The following ABCB4 variants were observed in gnomAD, a reference collection of about 807,000 sequenced individuals.
ABCB4 encodes phosphatidylcholine translocator ABCB4.
ABCB4 carries 76 observed loss-of-function variants against 145.7 expected under a neutral mutation model. That is an observed-to-expected ratio of 0.52 (90% CI 0.43 to 0.63). The LOEUF is 0.63. Among genes scored for constraint, ABCB4 ranks in the 30% least tolerant of loss-of-function variants. The pLI, the probability that ABCB4 is intolerant of heterozygous loss-of-function variation, is 0.00. For missense variants in ABCB4, 1,234 were observed against 1,553.1 expected, an observed-to-expected ratio of 0.79 and a Z score of 3.45; for synonymous variants, 517 against 566.8, an observed-to-expected ratio of 0.91 and a Z score of 1.25.
intron 13 of ABCB4, 149 bp from the exon 14 acceptor site, chr7:87,439,986 A>G (rs781144039): frequency 7.9e-7 from 1 of 1,267,590 alleles, no homozygotes; most frequent in Non-Finnish European, 1.1e-6. Flanking sequence ...ATTCTGAATT[A>G]TAAAAAACTG....
At chr7:87,422,313 G>T in intron 17 of ABCB4, 88 bp from the exon 18 acceptor site, 1 of 1,000,144 alleles carries the variant, frequency 1.0e-6, no homozygotes, top group African/African-American at 1.6e-5. Flanking sequence ...AGTGTCACAT[G>T]TTTAAAACTA....
chr7:87,446,359 A>G (rs574034785), intron 9 of ABCB4, among the ~76,000 whole-genome samples: 1 of 152,320 alleles, frequency 6.6e-6, no homozygotes, highest in South Asian at 2.1e-4. Flanking sequence ...TAGTTCATAA[A>G]TGTGGTTACA....
chr7:87,466,715 A>G (rs935193007), intron 3 of ABCB4, among the ~76,000 whole-genome samples: 1 of 152,238 alleles, frequency 6.6e-6, no homozygotes, highest in African/African-American at 2.4e-5. Flanking sequence ...CAGAAACTCT[A>G]CAAGCCAGAA....
At chr7:87,456,306 C>G (rs1812096543) in intron 4 of ABCB4, among the ~76,000 whole-genome samples, 1 of 152,136 alleles carries the variant, frequency 6.6e-6, no homozygotes, top group Non-Finnish European at 1.5e-5. Flanking sequence ...TATTTGTTCC[C>G]TCCAAATCTC....
intron 15 of ABCB4, among the ~76,000 whole-genome samples, chr7:87,429,275 G>A (rs1379536968): frequency 6.6e-6 from 1 of 152,184 alleles, no homozygotes; most frequent in East Asian, 1.9e-4. Flanking sequence ...TGCCAGAGCT[G>A]GTAGAAATAT....
chr7:87,397,052 GTTA>G (rs1807549168), downstream of ABCB4, among the ~76,000 whole-genome samples: 4 of 152,132 alleles, frequency 2.6e-5, no homozygotes, highest in South Asian at 8.3e-4. Context: ...GCCAACTCTA[GTTA>G]TTATAAAAAT....
chr7:87,423,416 T>C (rs371216159), intron 17 of ABCB4, among the ~76,000 whole-genome samples: 1 of 152,228 alleles, frequency 6.6e-6, no homozygotes, highest in African/African-American at 2.4e-5. Flanking sequence ...TAGTTACCTA[T>C]ATAATCTCTT....
chr7:87,380,856 CCA>C, the ABCB4 span, among the ~76,000 whole-genome samples: 12 of 152,270 alleles, frequency 7.9e-5, no homozygotes, highest in South Asian at 2.5e-3. Context: ...TTGTAAAGTA[CCA>C]CACAGTTGTG....
chr7:87,385,960 C>G, the ABCB4 span, among the ~76,000 whole-genome samples: 1 of 152,068 alleles, frequency 6.6e-6, no homozygotes, highest in Non-Finnish European at 1.5e-5. Context: ...GTCCTTTATT[C>G]TGTTGATGTG....
At chr7:87,437,295 G>A (rs1390012225) in intron 14 of ABCB4, among the ~76,000 whole-genome samples, 2 of 152,126 alleles carry the variant, frequency 1.3e-5, no homozygotes, top group South Asian at 2.1e-4. Flanking sequence ...CCTATTGTAT[G>A]AGTGTGAGAA....
At chr7:87,459,019 TAAGA>T (rs1270160442) in intron 4 of ABCB4, among the ~76,000 whole-genome samples, 1 of 145,232 alleles carries the variant, frequency 6.9e-6, no homozygotes, top group Non-Finnish European at 1.5e-5. Flanking sequence ...CTGCTCCAAA[TAAGA>T]AAGTTGGGAA....
rs569055257 is a variant in ABCB4, at chr7:87,449,857, C to T, written c.833+111G>A. On this transcript the variant is annotated intron_variant, in intron 8 of 27. Coordinates refer to ENST00000649586, the MANE Select transcript of ABCB4 (RefSeq NM_000443.4). ...CAGTAAAGGGTGCTTATAATTTATG[C>T]GAGAAGGGTTAATATTAGGAAAGGG... 99 of 1,531,312 alleles carry T rather than the reference C, an allele frequency of 6.5e-5. No individual in the cohort carries two copies. The East Asian group carries it at 1.5e-3, about 24-fold the overall frequency. The allele number at this position is 1,531,312 out of a possible 1,614,324, so 94.9% of individuals were successfully genotyped here. A position where few individuals can be genotyped will look rare whatever the true frequency, so the allele number is the denominator to read the frequency against.
At chr7:87,449,364 AT>A (rs557895371) in intron 8 of ABCB4, among the ~76,000 whole-genome samples, 22 of 152,068 alleles carry the variant, frequency 1.4e-4, no homozygotes, top group African/African-American at 5.3e-4. Flanking sequence ...TTTGATAAGT[AT>A]TTTTAATATA....
intron 4 of ABCB4, among the ~76,000 whole-genome samples, chr7:87,462,221 G>A (rs1039698753): frequency 1.3e-5 from 2 of 152,168 alleles, no homozygotes; most frequent in Non-Finnish European, 2.9e-5. Context: ...AGTTCCAAGG[G>A]ACGTATTGAA....
At chr7:87,366,242 A>T in the ABCB4 span, among the ~76,000 whole-genome samples, 1 of 150,062 alleles carries the variant, frequency 6.7e-6, no homozygotes, top group Non-Finnish European at 1.5e-5. Context: ...GCAAGGGGGA[A>T]TTTTTTTTTT....
At chr7:87,368,473 A>C in the ABCB4 span, among the ~76,000 whole-genome samples, 4 of 152,160 alleles carry the variant, frequency 2.6e-5, no homozygotes, top group Non-Finnish European at 1.5e-5. Flanking sequence ...CATGAGGAAC[A>C]AGGAAAACAC....
chr7:87,382,669 T>G, the ABCB4 span: 1 of 884,352 alleles, frequency 1.1e-6, no homozygotes, highest in Non-Finnish European at 1.7e-6. Context: ...CTGTGTCCTA[T>G]TTGTACTTCC....
At chr7:87,368,926 C>G in the ABCB4 span, among the ~76,000 whole-genome samples, 1 of 152,180 alleles carries the variant, frequency 6.6e-6, no homozygotes, top group Non-Finnish European at 1.5e-5. Context: ...TCCTTTTCTA[C>G]TGAAAATTAT....
chr7:87,426,944 A>AGTGTGT lies in ABCB4; in HGVS notation c.1894-30_1894-25dup, dbSNP rs10647775. 81,302 of 1,024,400 alleles carry AGTGTGT rather than the reference A, an allele frequency of 0.079. 1,170 individuals carry two copies. The highest frequency in any genetic ancestry group is 0.11 in the South Asian group (7,781 of 72,680). The allele number at this position is 1,024,400 out of a possible 1,614,324, so 63.5% of individuals were successfully genotyped here. A position where few individuals can be genotyped will look rare whatever the true frequency, so the allele number is the denominator to read the frequency against. On this transcript the variant is annotated intron_variant, in intron 15 of 27. Coordinates refer to ENST00000649586, the MANE Select transcript of ABCB4 (RefSeq NM_000443.4). Reference sequence around the variant, plus strand: ...GTCTGAAAGAATATCAAGACATTAAAGTGTGTGTGTGTGTGTGTGTGTGTG... The same window carrying AGTGTGT: ...GTCTGAAAGAATATCAAGACATTAAAGTGTGTGTGTGTGTGTGTGTGTGTGTGTGTG...
Sources: gnomAD v4.1 joint callset for allele counts (sites outside exome capture counted in the v4.1 genomes callset) on GRCh38, gnomAD v4.1.1 for gene constraint, MANE v1.5 for transcripts, NCBI Gene and HGNC (gene_info 2026-07-23, HGNC 2026-07-21) for gene names.